Variants in CAP2 observed in about 807,000 individuals in gnomAD.
The protein encoded by CAP2 is cyclase associated actin cytoskeleton regulatory protein 2.
A neutral mutation model predicts 57.7 loss-of-function variants in CAP2; 24 were observed. That is an observed-to-expected ratio of 0.42 (90% CI 0.30 to 0.58). CAP2 has a LOEUF of 0.58. Among genes scored for constraint, CAP2 ranks in the 20% least tolerant of loss-of-function variants. The probability of loss-of-function intolerance (pLI) is 0.22; values close to 1 mark genes in which losing one functional copy is unlikely to be tolerated. For missense variants in CAP2, 501 were observed against 590.3 expected (o/e 0.85, Z 1.57); for synonymous variants, 194 against 207.2 (o/e 0.94, Z 0.55).
At position 17,448,346 on chromosome 6, in the gene CAP2, T is replaced by C. The variant is rs566620423; in HGVS notation, c.223-14650T>C. Among the ~76,000 whole-genome samples, 6 of 152,364 alleles carry C rather than the reference T, an allele frequency of 3.9e-5. No individual in the cohort carries two copies. The South Asian group carries it at 1.2e-3, about 32-fold the overall frequency. On this transcript the variant is annotated intron_variant, in intron 3 of 12. Transcript: ENST00000229922. The stretch of plus-strand genomic sequence containing the variant: ...AAAGTGCTTCAGATTCCTTAAGTGA[T>C]AGAAAAACAAGTTAGAGAATTTGGA...
intron 11 of CAP2, among the ~76,000 whole-genome samples, chr6:17,550,673 C>T (rs1456594395): frequency 6.6e-6 from 1 of 151,884 alleles, no homozygotes; most frequent in Non-Finnish European, 1.5e-5. Flanking sequence ...GAACAGTCCG[C>T]CCTTATGGAG....
intron 4 of CAP2, among the ~76,000 whole-genome samples, chr6:17,482,736 G>A (rs1761323155): frequency 6.6e-6 from 1 of 152,086 alleles, no homozygotes; most frequent in Non-Finnish European, 1.5e-5. Flanking sequence ...TTTCCATAGG[G>A]ACACCTAGTC....
At chr6:17,479,607 AT>A (rs11336517) in intron 4 of CAP2, among the ~76,000 whole-genome samples, 20,081 of 126,322 alleles carry the variant, frequency 0.16, 1,572 homozygotes, top group African/African-American at 0.3. Flanking sequence ...CTGCTTTTTA[AT>A]TTTTTTTTTT....
chr6:17,496,704 AG>A (rs1371282410), intron 4 of CAP2, among the ~76,000 whole-genome samples: 3 of 152,170 alleles, frequency 2.0e-5, no homozygotes, highest in Non-Finnish European at 4.4e-5. Flanking sequence ...TTTCCGATTA[AG>A]GATCACTGGA....
intron 3 of CAP2, among the ~76,000 whole-genome samples, chr6:17,437,835 C>T (rs904981211): frequency 6.6e-6 from 1 of 152,086 alleles, no homozygotes; most frequent in African/African-American, 2.4e-5. Flanking sequence ...AGAGATCACG[C>T]CACTGCACTC....
Position 17,512,261 on chromosome 6 carries a change from G to A in CAP2, c.531-1588G>A, listed in dbSNP as rs536435765. On this transcript the variant is annotated intron_variant, in intron 6 of 12. Transcript: ENST00000229922. ...TTAAAAATTATCTGGGCATGGTGGC[G>A]CACATGTAGCTGTAGTCCCAGCTAC... is the stretch of plus-strand genomic sequence containing the variant. Among the ~76,000 whole-genome samples, 15 of 151,972 alleles carry A rather than the reference G, an allele frequency of 9.9e-5. No homozygotes were observed. In the South Asian group the frequency reaches 2.7e-3, roughly 27 times the overall value.
Position 17,421,636 on chromosome 6 carries a change from GC to G in CAP2, c.86del (p.Pro29LeufsTer24). On this transcript the variant is annotated frameshift_variant, in exon 2 of 13. Transcript: ENST00000229922. LOFTEE classifies it high-confidence loss of function. ...LESLSAESHR[P>X]PGNCGEVNGV... ...AGTCGCTGTCTGCAGAGTCCCACAG[GC>G]CCCCTGGGAACTGCGGGGAAGTCAA... 1 of 1,613,942 alleles carries G rather than the reference GC, an allele frequency of 6.2e-7. No homozygotes were observed. Among genetic ancestry groups the G allele is most frequent in the Non-Finnish European group, 8.5e-7 (1 of 1,179,806 alleles).
chr6:17,442,178 T>G (rs772670111), intron 3 of CAP2, among the ~76,000 whole-genome samples: 1 of 152,204 alleles, frequency 6.6e-6, no homozygotes, highest in African/African-American at 2.4e-5. Context: ...CTGAAAGAGA[T>G]TCCTCTACTC....
intron 3 of CAP2, among the ~76,000 whole-genome samples, chr6:17,430,977 T>C (rs1759713438): frequency 6.6e-6 from 1 of 152,204 alleles, no homozygotes; most frequent in Non-Finnish European, 1.5e-5. Flanking sequence ...TTTTTAGAGA[T>C]TTCTAGAACT....
chr6:17,437,654 G>C (rs1759930794), intron 3 of CAP2, among the ~76,000 whole-genome samples: 1 of 152,084 alleles, frequency 6.6e-6, no homozygotes, highest in Non-Finnish European at 1.5e-5. Flanking sequence ...TGAGGCGGGA[G>C]GATCATGAGG....
At chr6:17,464,223 G>A (rs954666068) in intron 4 of CAP2, among the ~76,000 whole-genome samples, 3 of 151,924 alleles carry the variant, frequency 2.0e-5, no homozygotes, top group Admixed American at 6.6e-5. Flanking sequence ...TGTTTTATCA[G>A]AAAAAAATAA....
intron 4 of CAP2, among the ~76,000 whole-genome samples, chr6:17,466,179 T>A (rs1259250323): frequency 6.6e-6 from 1 of 152,222 alleles, no homozygotes; most frequent in Non-Finnish European, 1.5e-5. Context: ...TATTTTCTCA[T>A]AGGAACAATT....
At chr6:17,461,556 A>G (rs1396509805) in intron 3 of CAP2, among the ~76,000 whole-genome samples, 1 of 152,188 alleles carries the variant, frequency 6.6e-6, no homozygotes, top group African/African-American at 2.4e-5. Flanking sequence ...CATTTAAAAA[A>G]AAACTATTCC....
intron 7 of CAP2, among the ~76,000 whole-genome samples, chr6:17,525,174 A>G (rs1297937269): frequency 6.6e-6 from 1 of 152,138 alleles, no homozygotes; most frequent in East Asian, 1.9e-4. Context: ...AAGTGCTGGG[A>G]TTACAGGCAT....
At chr6:17,444,049 A>G (rs189375374) in intron 3 of CAP2, among the ~76,000 whole-genome samples, 12 of 152,306 alleles carry the variant, frequency 7.9e-5, no homozygotes, top group African/African-American at 1.2e-4. Flanking sequence ...TTGACTTTCA[A>G]TTGCTTTAGT....
At chr6:17,436,778 C>T (rs1238902567) in intron 3 of CAP2, among the ~76,000 whole-genome samples, 1 of 152,016 alleles carries the variant, frequency 6.6e-6, no homozygotes, top group Non-Finnish European at 1.5e-5. Context: ...CAGGGGTCCC[C>T]ATCCCTGTTA....
intron 11 of CAP2, among the ~76,000 whole-genome samples, chr6:17,543,938 A>T (rs894449163): frequency 6.6e-6 from 1 of 152,084 alleles, no homozygotes; most frequent in Admixed American, 6.6e-5. Flanking sequence ...CAGCCTAGCT[A>T]ACATGGTGAA....
Position 17,477,949 on chromosome 6 carries a change from T to C in CAP2, c.300+14876T>C, listed in dbSNP as rs1291663545. Among the ~76,000 whole-genome samples the C allele has an allele frequency of 2.0e-5, 3 of 149,616 alleles. No homozygotes were observed. In the East Asian group the frequency reaches 5.8e-4, roughly 29 times the overall value. On this transcript the variant is annotated intron_variant, in intron 4 of 12. Transcript: ENST00000229922. ...CTAAACAGAGTTTTAACTTATATAA[T>C]TACTAACTTTACTTCTTGCATTTTC...
At chr6:17,531,459 A>G in intron 7 of CAP2, 1 of 1,516,784 alleles carries the variant, frequency 6.6e-7, no homozygotes, top group Non-Finnish European at 9.1e-7. Flanking sequence ...ATCTGCCTAT[A>G]TTCCTTGTGA....
Sources: gnomAD v4.1 joint callset for allele counts (sites outside exome capture counted in the v4.1 genomes callset) on GRCh38, gnomAD v4.1.1 for gene constraint, MANE v1.5 for transcripts, NCBI Gene and HGNC (gene_info 2026-07-23, HGNC 2026-07-21) for gene names.